The following TMC2 variants were observed in gnomAD, a reference collection of about 807,000 sequenced individuals.
TMC2 encodes the protein transmembrane channel-like protein 2.
Under a neutral mutation model 105.9 loss-of-function variants are expected in TMC2, and 102 were observed. That is an observed-to-expected ratio of 0.96 (90% CI 0.82 to 1.14). The LOEUF is 1.14. TMC2 is among the 50% of genes most tolerant of loss of function. TMC2 has a pLI of 0.00. For synonymous variants in TMC2, 402 were observed against 422.8 expected (o/e 0.95, Z 0.60); for missense variants, 1,093 against 1,134.3 (o/e 0.96, Z 0.52).
At chr20:2,624,171 C>G in intron 16 of TMC2, 100 bp from the exon 17 acceptor site, 1 of 1,281,736 alleles carries the variant, frequency 7.8e-7, no homozygotes. Flanking sequence ...AAAGCAGTGG[C>G]AGGCAGCAGC....
intron 12 of TMC2, among the ~76,000 whole-genome samples, chr20:2,611,699 A>C (rs1360912296): frequency 6.6e-6 from 1 of 152,220 alleles, no homozygotes; most frequent in African/African-American, 2.4e-5. Context: ...GCGAACCTCC[A>C]TCTCTCTTGG....
chr20:2,540,933 T>C (rs11907938), intron 2 of TMC2, among the ~76,000 whole-genome samples: 3,385 of 152,072 alleles, frequency 0.022, 140 homozygotes, highest in African/African-American at 0.077. Context: ...CGTGTACCCC[T>C]CTCCTCCTGC....
Position 2,617,289 on chromosome 20 carries a change from T to G in TMC2, c.2158T>G (p.Ser720Ala), listed in dbSNP as rs149664516. 217 of 1,613,988 alleles carry G rather than the reference T, an allele frequency of 1.3e-4. No homozygotes were observed. The highest frequency in any genetic ancestry group is 1.7e-4 in the Non-Finnish European group (201 of 1,180,012). Residue 720 changes from serine (S) to alanine (A), a missense_variant, in exon 16 of 20, where the codon TCC becomes GCC. Ser to Ala is a moderately conservative substitution (Grantham distance 99, BLOSUM62 1). Coordinates refer to ENST00000358864, the MANE Select transcript of TMC2 (RefSeq NM_080751.3). ...VAYTIMSLPP[S>A]FDCGPFSGKN... ...CTACACCATCATGTCCCTCCCACCC[T>G]CCTTTGACTGCGGGCCGTTCAGGTG...
At position 2,586,092 on chromosome 20, in the gene TMC2, C is replaced by A. The variant is rs557054302; in HGVS notation, c.834+6036C>A. Among the ~76,000 whole-genome samples, 7 of 152,258 alleles carry A rather than the reference C, an allele frequency of 4.6e-5. No homozygotes were observed. The South Asian group carries it at 1.2e-3, about 27-fold the overall frequency. On this transcript the variant is annotated intron_variant, in intron 7 of 19. Coordinates refer to ENST00000358864, the MANE Select transcript of TMC2 (RefSeq NM_080751.3). ...CCCTTCCACATGCAGAATACACTCG[C>A]CCCTCCTCAAGGCCTCTAAAAATCT...
intron 11 of TMC2, among the ~76,000 whole-genome samples, chr20:2,608,517 G>T (rs142223043): frequency 6.6e-6 from 1 of 151,822 alleles, no homozygotes; most frequent in Non-Finnish European, 1.5e-5. Flanking sequence ...TAGTAGAGAC[G>T]AGGTTTTGCC....
chr20:2,618,122 A>G (rs2086498447), intron 16 of TMC2: 1 of 152,186 alleles, frequency 6.6e-6, no homozygotes, highest in Admixed American at 6.5e-5. Context: ...CCCTCTATCT[A>G]ACTGTATATT....
intron 14 of TMC2, chr20:2,614,032 A>C (rs1199232819): frequency 2.5e-5 from 3 of 121,674 alleles, no homozygotes; most frequent in Non-Finnish European, 5.0e-5. Flanking sequence ...TAAGGGCCCC[A>C]GTACAGGTTT....
Position 2,616,477 on chromosome 20 carries a change from G to A in TMC2, c.1940+273G>A, listed in dbSNP as rs946561189. On this transcript the variant is annotated intron_variant, in intron 15 of 19. Coordinates refer to ENST00000358864, the MANE Select transcript of TMC2 (RefSeq NM_080751.3). The surrounding 1 kb of genome is among the most constrained non-coding windows in gnomAD (Gnocchi z 4.8). ...AGGAAGGCAGGAGAGAAGGAGAAGA[G>A]GGAAGAAAAAGGGAAGAAGGAAGAA... Among the ~76,000 whole-genome samples, 9 of 150,982 alleles carry A rather than the reference G, an allele frequency of 6.0e-5. No homozygotes were observed. Among genetic ancestry groups the A allele is most frequent in the African/African-American group, 2.2e-4 (9 of 40,988 alleles).
At chr20:2,574,710 C>A (rs2086130420) in intron 5 of TMC2, among the ~76,000 whole-genome samples, 1 of 151,936 alleles carries the variant, frequency 6.6e-6, no homozygotes, top group Non-Finnish European at 1.5e-5. Flanking sequence ...CTTTTTATAT[C>A]TGTTGGGTTT....
At chr20:2,604,578 T>C (rs534088995) in intron 11 of TMC2, among the ~76,000 whole-genome samples, 1 of 151,010 alleles carries the variant, frequency 6.6e-6, no homozygotes, top group African/African-American at 2.4e-5. Flanking sequence ...GTGATCAGTG[T>C]TTTTTTTTGT....
chr20:2,614,471 G>T (rs535952189), intron 14 of TMC2, among the ~76,000 whole-genome samples: 1 of 152,210 alleles, frequency 6.6e-6, no homozygotes, highest in African/African-American at 2.4e-5. Context: ...TGGGTGTGCT[G>T]GTGCATGCCT....
rs768194050 is a variant in TMC2 at position 2,610,428 on chromosome 20, GTGATGTCCC to G, written c.1426_1434del (p.Met476_Leu478del). 10 of 1,611,290 alleles carry G rather than the reference GTGATGTCCC, an allele frequency of 6.2e-6. No individual in the cohort carries two copies. The East Asian group carries it at 2.0e-4, about 32-fold the overall frequency. The stretch of plus-strand genomic sequence containing the variant: ...TTTCCTGATTCCTCAGGTAGAGATC[GTGATGTCCC>G]TGCTTGGAATGTTTTGTCCCCCTCT... On this transcript the variant is annotated inframe_deletion, in exon 12 of 20. Transcript: ENST00000358864.
chr20:2,570,177 A>G (rs1476938410), intron 4 of TMC2, among the ~76,000 whole-genome samples: 1 of 152,158 alleles, frequency 6.6e-6, no homozygotes, highest in Non-Finnish European at 1.5e-5. Flanking sequence ...GAAAGAAGGA[A>G]ATAAAAGTAG....
intron 11 of TMC2, among the ~76,000 whole-genome samples, chr20:2,610,115 C>G (rs1192637493): frequency 2.0e-5 from 3 of 152,218 alleles, no homozygotes; most frequent in Admixed American, 2.0e-4. Flanking sequence ...TCCCAAAGTG[C>G]TGGGATTACA....
Position 2,641,473 on chromosome 20 carries a change from G to A in TMC2, c.*122G>A. On this transcript the variant is annotated 3_prime_UTR_variant, in exon 20 of 20. Coordinates refer to ENST00000358864, the MANE Select transcript of TMC2 (RefSeq NM_080751.3). The stretch of plus-strand genomic sequence containing the variant: ...ACATACATGCTCTGTCTCCTCTCTT[G>A]GAATGCATGAACTTTGATTCCTTCA... The A allele has an allele frequency of 1.6e-6, 1 of 642,968 alleles. No individual in the cohort carries two copies. The highest frequency in any genetic ancestry group is 2.7e-6 in the Non-Finnish European group (1 of 369,642). 39.8% of individuals were successfully genotyped at this position (642,968 alleles called of 1,614,324 possible).
intron 19 of TMC2, among the ~76,000 whole-genome samples, chr20:2,640,915 A>C (rs1004717466): frequency 1.3e-5 from 2 of 152,058 alleles, no homozygotes; most frequent in African/African-American, 2.4e-5. Flanking sequence ...CCAGGTTCAA[A>C]ATCAAGTTCT....
Position 2,572,705 on chromosome 20 carries a change from T to C in TMC2, c.645+436T>C, listed in dbSNP as rs186576100. ...GTTGTATCATAACCTGGGCATCTGA[T>C]TTAAGTTAGGGTAATGTTTCATGTT... On this transcript the variant is annotated intron_variant, in intron 5 of 19. Transcript: ENST00000358864. Among the ~76,000 whole-genome samples, 242 of 152,232 alleles carry C rather than the reference T, an allele frequency of 1.6e-3. 1 individual carries two copies. Among genetic ancestry groups the C allele is most frequent in the African/African-American group, 5.3e-3 (220 of 41,562 alleles).
chr20:2,602,067 C>A, intron 10 of TMC2, 46 bp from the exon 11 acceptor site: 1 of 1,436,264 alleles, frequency 7.0e-7, no homozygotes, highest in Non-Finnish European at 9.5e-7. Context: ...ATGGTTCTGG[C>A]ATTTCTGGCC....
intron 4 of TMC2, among the ~76,000 whole-genome samples, chr20:2,563,640 A>T (rs190974915): frequency 6.6e-6 from 1 of 152,356 alleles, no homozygotes; most frequent in Non-Finnish European, 1.5e-5. Flanking sequence ...ACAAGAAACA[A>T]GTATGGGAGG....
Sources: gnomAD v4.1 joint callset for allele counts (sites outside exome capture counted in the v4.1 genomes callset) on GRCh38, gnomAD v4.1.1 for gene constraint, Gnocchi (gnomAD v3.1) non-coding constraint, MANE v1.5 for transcripts, NCBI Gene and HGNC (gene_info 2026-07-23, HGNC 2026-07-21) for gene names.